TMEM255A: variants seen among roughly 807,000 people sequenced by gnomAD.
TMEM255A encodes the protein transmembrane protein 255A.
Under a neutral mutation model 23.5 loss-of-function variants are expected in TMEM255A, and 14 were observed. The ratio of observed to expected loss-of-function variants is 0.60; its 90% CI spans 0.39 to 0.93. The LOEUF (loss-of-function observed/expected upper bound fraction) is 0.93, where lower values mean the gene tolerates loss of function less well. TMEM255A is among the 40% of genes least tolerant of loss of function. The pLI, the probability that TMEM255A is intolerant of heterozygous loss-of-function variation, is 0.00. For synonymous variants in TMEM255A, 104 were observed against 100.3 expected (o/e 1.04, Z -0.22); for missense variants, 233 against 261.7 (o/e 0.89, Z 0.76).
At position 120,301,878 on chromosome X, in the gene TMEM255A, C is replaced by A. The variant is rs1230042263; in HGVS notation, c.201+2471G>T. Among the ~76,000 whole-genome samples, 7 of 111,991 alleles carry A rather than the reference C, an allele frequency of 6.3e-5. No homozygotes were observed. In the East Asian group the frequency reaches 1.4e-3, roughly 22 times the overall value. On this transcript the variant is annotated intron_variant, in intron 2 of 8. Transcript: ENST00000371369. ...ACAAATCTGGATTCTCAGGCGTTTA[C>A]TGTTTCTGAGGTATGAGTCGTAATT...
intron 2 of TMEM255A, among the ~76,000 whole-genome samples, chrX:120,297,293 T>C (rs1352727347): frequency 1.1e-5 from 1 of 95,042 alleles, no homozygotes; most frequent in Non-Finnish European, 2.1e-5. Context: ...GAGCCTGCCA[T>C]ACAGGGTTGC....
chrX:120,279,063 C>A (rs1173464403), intron 6 of TMEM255A, among the ~76,000 whole-genome samples: 1 of 112,135 alleles, frequency 8.9e-6, no homozygotes, highest in Non-Finnish European at 1.9e-5. Flanking sequence ...GTGATGGGGT[C>A]AAGAATCTGT....
rs1046224934 is a variant in TMEM255A, at chrX:120,258,665, A to G, written c.*2205T>C. The G allele has an allele frequency of 4.4e-5, 5 of 112,500 alleles. No homozygotes were observed. The highest frequency in any genetic ancestry group is 9.5e-5 in the Admixed American group (1 of 10,512). The allele number at this position is 112,500 out of a possible 1,213,427, so 9.3% of individuals were successfully genotyped here. Reference sequence around the variant, plus strand: ...CACAAGTGGATAACGAGGGGAGGATAGTTTTATTCATTTGAAACATCACAA... The same window carrying G: ...CACAAGTGGATAACGAGGGGAGGATGGTTTTATTCATTTGAAACATCACAA... On this transcript the variant is annotated 3_prime_UTR_variant, in exon 9 of 9. Coordinates refer to ENST00000371369, the MANE Select transcript of TMEM255A (RefSeq NM_001104544.3).
rs1210627707 is a variant in TMEM255A, at chrX:120,261,993, A to C, written c.820-965T>G. On this transcript the variant is annotated intron_variant, in intron 8 of 8. Coordinates refer to ENST00000371369, the MANE Select transcript of TMEM255A (RefSeq NM_001104544.3). ...TAGTAGATGAACTTGGCATGCTTTT[A>C]AAAAATAAAATCTAGGCCGGGCGCG... 2.7e-5 allele frequency among the ~76,000 whole-genome samples: 3 copies of C among 112,040 alleles called. No homozygotes were observed. In the East Asian group the frequency reaches 8.4e-4, roughly 31 times the overall value.
intron 4 of TMEM255A, 100 bp from the exon 5 acceptor site, chrX:120,287,322 C>CACACACACACACACACAT: frequency 1.8e-6 from 1 of 557,534 alleles, no homozygotes; most frequent in Non-Finnish European, 3.0e-6. Flanking sequence ...CACACACACA[C>CACACACACACACACACAT]ACACACACAC....
intron 7 of TMEM255A, among the ~76,000 whole-genome samples, chrX:120,274,625 C>T (rs782659037): frequency 3.6e-5 from 4 of 111,774 alleles, no homozygotes; most frequent in Non-Finnish European, 7.5e-5. Context: ...CTTTCCATCA[C>T]CATGGAAAAG....
chrX:120,270,684 C>T (rs919253144), intron 7 of TMEM255A, among the ~76,000 whole-genome samples: 1 of 111,459 alleles, frequency 9.0e-6, no homozygotes, highest in African/African-American at 3.3e-5. Context: ...GGGTTCCTTT[C>T]AGGATCCCAC....
intron 3 of TMEM255A, among the ~76,000 whole-genome samples, chrX:120,292,372 G>A (rs1330789325): frequency 9.0e-6 from 1 of 111,296 alleles, no homozygotes; most frequent in Non-Finnish European, 1.9e-5. Context: ...AGAACTAGAT[G>A]GAATCAGCAC....
intron 2 of TMEM255A, among the ~76,000 whole-genome samples, 180 bp from the exon 3 acceptor site, chrX:120,294,231 G>A (rs2057937718): frequency 9.1e-6 from 1 of 109,720 alleles, no homozygotes; most frequent in Non-Finnish European, 1.9e-5. Context: ...TCAGGAGATC[G>A]AGACCATCCC....
At chrX:120,252,124 G>A in the TMEM255A span, among the ~76,000 whole-genome samples, 1 of 111,512 alleles carries the variant, frequency 9.0e-6, no homozygotes, top group African/African-American at 3.3e-5. Context: ...CTTTTTGCCT[G>A]CTGTTTGTTC....
At chrX:120,277,420 T>C (rs782025478) in intron 6 of TMEM255A, among the ~76,000 whole-genome samples, 1 of 112,585 alleles carries the variant, frequency 8.9e-6, no homozygotes, top group South Asian at 3.7e-4. Context: ...TATTTAAATT[T>C]AAATTAAGTA....
chrX:120,290,236 A>AG (rs781958082), intron 4 of TMEM255A, among the ~76,000 whole-genome samples: 3 of 112,104 alleles, frequency 2.7e-5, no homozygotes, highest in Non-Finnish European at 5.6e-5. Context: ...TGAGGGGAAG[A>AG]GGGGAAAAAA....
intron 8 of TMEM255A, among the ~76,000 whole-genome samples, chrX:120,265,270 GAAACC>G (rs2057709052): frequency 8.9e-6 from 1 of 112,217 alleles, no homozygotes; most frequent in Non-Finnish European, 1.9e-5. Flanking sequence ...ATACTAAAAT[GAAACC>G]ATTTAAGTTC....
chrX:120,281,786 A>C (rs2057839058), intron 6 of TMEM255A, among the ~76,000 whole-genome samples: 1 of 112,569 alleles, frequency 8.9e-6, no homozygotes. Context: ...TGACCTTTCC[A>C]AAGATGAGTG....
At chrX:120,296,876 C>G (rs1439670954) in intron 2 of TMEM255A, among the ~76,000 whole-genome samples, 12 of 3,022 alleles carry the variant, frequency 4.0e-3, no homozygotes, top group African/African-American at 0.028. Context: ...TATTATATAT[C>G]ATATATATTA....
chrX:120,253,366 T>C, the TMEM255A span: 4 of 1,082,969 alleles, frequency 3.7e-6, no homozygotes, highest in South Asian at 2.3e-5. Flanking sequence ...AGTACTTTTG[T>C]TTTTTCTCTC....
At chrX:120,275,649 T>C (rs1293143113) in intron 7 of TMEM255A, among the ~76,000 whole-genome samples, 3 of 105,808 alleles carry the variant, frequency 2.8e-5, no homozygotes, top group Admixed American at 1.0e-4. Flanking sequence ...AAAGCAGTGG[T>C]ATTCAATCAT....
In TMEM255A at chrX:120,305,160, A is replaced by G. The variant is rs2058056479; in HGVS notation, c.59-669T>C. ...GTGGGGAGGATTATAACTTATACAC[A>G]TTTAGGCTTATGTGAGGGTGACATA... is the stretch of plus-strand genomic sequence containing the variant. On this transcript the variant is annotated intron_variant, in intron 1 of 8. Transcript: ENST00000371369. Among the ~76,000 whole-genome samples the G allele has an allele frequency of 2.7e-5, 3 of 111,737 alleles. No homozygotes were observed. The Admixed American group carries it at 2.8e-4, about 11-fold the overall frequency.
chrX:120,270,291 GTGTT>G (rs1391962655), intron 7 of TMEM255A, among the ~76,000 whole-genome samples: 1 of 108,581 alleles, frequency 9.2e-6, no homozygotes, highest in South Asian at 3.9e-4. Context: ...ATAGGAGTGT[GTGTT>G]TGTGTGTGTG....
Sources: allele counts gnomAD v4.1 joint callset (sites outside exome capture counted in the v4.1 genomes callset), GRCh38; gene constraint gnomAD v4.1.1; transcripts MANE v1.5; gene names NCBI Gene and HGNC (gene_info 2026-07-23, HGNC 2026-07-21).